Variants in DCAF8 observed in about 807,000 individuals in gnomAD.
DCAF8 encodes DDB1- and CUL4-associated factor 8.
In DCAF8, 20 loss-of-function variants were observed where a neutral mutation model predicts 68.0. The observed-to-expected ratio is 0.29, with a 90% CI of 0.21 to 0.43. DCAF8 has a LOEUF of 0.43. Among genes scored for constraint, DCAF8 ranks in the 20% least tolerant of loss-of-function variants. The probability of loss-of-function intolerance (pLI) is 1.00; values close to 1 mark genes in which losing one functional copy is unlikely to be tolerated. For missense variants in DCAF8, 460 were observed against 771.0 expected, an observed-to-expected ratio of 0.60 and a Z score of 4.78; for synonymous variants, 230 against 276.9, an observed-to-expected ratio of 0.83 and a Z score of 1.68.
chr1:160,260,897 G>T (rs1285489712), intron 2 of DCAF8, among the ~76,000 whole-genome samples: 1 of 152,080 alleles, frequency 6.6e-6, no homozygotes, highest in African/African-American at 2.4e-5. Context: ...TGTGAGAGGG[G>T]AAGAGACCTG....
In DCAF8 at chr1:160,222,844, C is replaced by T. The variant is rs1269736383; in HGVS notation, c.1310-63G>A. The stretch of plus-strand genomic sequence containing the variant: ...TGGCATCAGGCCTATATACATTCAT[C>T]TCAAAGGGAATTTAGTTATTCACAA... On this transcript the variant is annotated intron_variant, in intron 10 of 13. Coordinates refer to ENST00000368074, the MANE Select transcript of DCAF8 (RefSeq NM_015726.4). 3.8e-6 allele frequency: 6 copies of T among 1,599,124 alleles called. No individual in the cohort carries two copies. The Admixed American group carries it at 6.8e-5, about 18-fold the overall frequency.
intron 6 of DCAF8, among the ~76,000 whole-genome samples, chr1:160,236,765 A>G (rs1226082157): frequency 2.0e-5 from 3 of 152,224 alleles, no homozygotes; most frequent in Admixed American, 6.5e-5. Flanking sequence ...GTATGTTTCT[A>G]TAAATAACTA....
intron 11 of DCAF8, chr1:160,219,720 G>A (rs944853061): frequency 1.3e-5 from 2 of 152,226 alleles, no homozygotes. Context: ...CCAGCAGGCA[G>A]GCCTTCTAGC....
At chr1:160,261,785 C>T (rs1657102145) in intron 1 of DCAF8, 1 of 152,392 alleles carries the variant, frequency 6.6e-6, no homozygotes, top group South Asian at 2.1e-4. Context: ...TAACAGGGAC[C>T]AAATGGGACC....
chr1:160,236,263 A>ACAAAC (rs60453098), intron 6 of DCAF8, among the ~76,000 whole-genome samples: 2 of 144,582 alleles, frequency 1.4e-5, no homozygotes, highest in South Asian at 4.3e-4. Flanking sequence ...ATCACACACA[A>ACAAAC]ACACACACAC....
intron 3 of DCAF8, among the ~76,000 whole-genome samples, chr1:160,242,791 T>C (rs1216449109): frequency 1.3e-5 from 2 of 152,160 alleles, no homozygotes. Flanking sequence ...CCAATAAAAC[T>C]TTACAAAAAC....
At chr1:160,225,497 A>C in intron 8 of DCAF8, 94 bp downstream of exon 8, 1 of 973,020 alleles carries the variant, frequency 1.0e-6, no homozygotes, top group East Asian at 2.4e-5. Flanking sequence ...CTGACTTGAA[A>C]GTCCAAGCTC....
At position 160,217,609 on chromosome 1, in the gene DCAF8, G is replaced by A; in HGVS notation, c.1777C>T (p.Gln593Ter). 6.2e-7 allele frequency: 1 copy of A among 1,613,610 alleles called. No individual in the cohort carries two copies. The highest frequency in any genetic ancestry group is 8.5e-7 in the Non-Finnish European group (1 of 1,179,798). The part of the protein sequence containing the change: ...SDEEEGPDRV[Q>*]CMPS ...ATGAGGCCTCAAGATGGCATGCACTGCACCCGGTCAGGGCCCTCCTCCTCG... is the reference window on the plus strand; with the variant it reads ...ATGAGGCCTCAAGATGGCATGCACTACACCCGGTCAGGGCCCTCCTCCTCG... Residue 593 changes from glutamine (Q) to a stop codon, truncating the protein, a stop_gained, in exon 14 of 14, where the codon CAG becomes TAG. Coordinates refer to ENST00000368074, the MANE Select transcript of DCAF8 (RefSeq NM_015726.4). LOFTEE classifies it high-confidence loss of function.
chr1:160,246,155 A>G (rs60271354), intron 2 of DCAF8, among the ~76,000 whole-genome samples: 2 of 151,962 alleles, frequency 1.3e-5, no homozygotes, highest in South Asian at 2.1e-4. Context: ...AAAAAAAATT[A>G]AAAAAAACTT....
Position 160,240,064 on chromosome 1 carries a change from T to C in DCAF8, c.356A>G (p.Gln119Arg). Reference sequence around the variant, plus strand: ...CTGGTCACGGTTAGCCCGCTTGCGCTGTACACGGCGCCGAGGCTGCTCTTC... The same window carrying C: ...CTGGTCACGGTTAGCCCGCTTGCGCCGTACACGGCGCCGAGGCTGCTCTTC... ...EEEEQPRRRV[Q>R]RKRANRDQDS... Residue 119 changes from glutamine (Q) to arginine (R), a missense_variant, in exon 4 of 14, where the codon CAG becomes CGG. By Grantham distance (43) the Gln-to-Arg change is conservative. Around this residue, in one of 8 missense-constraint regions of DCAF8, gnomAD observed 156 missense variants for 181.4 expected, o/e 0.86. Transcript: ENST00000368074. The C allele has an allele frequency of 6.2e-7, 1 of 1,614,268 alleles. No homozygotes were observed. Among genetic ancestry groups the C allele is most frequent in the Non-Finnish European group, 8.5e-7 (1 of 1,180,038 alleles).
At chr1:160,240,990 C>G (rs1656094342) in intron 3 of DCAF8, among the ~76,000 whole-genome samples, 1 of 152,080 alleles carries the variant, frequency 6.6e-6, no homozygotes, top group African/African-American at 2.4e-5. Context: ...TGGTGAAACC[C>G]CGTCTCTACT....
Position 160,228,466 on chromosome 1 carries a change from T to C in DCAF8, c.1071-2803A>G, listed in dbSNP as rs139627011. On this transcript the variant is annotated intron_variant, in intron 7 of 13. Transcript: ENST00000368074. ...TTAATCCTTTAGCAATAAATTTTCATGTCAGCCAAATTTACCACTAAAGGA... is the reference window on the plus strand; with the variant it reads ...TTAATCCTTTAGCAATAAATTTTCACGTCAGCCAAATTTACCACTAAAGGA... Among the ~76,000 whole-genome samples, 161 of 152,328 alleles carry C rather than the reference T, an allele frequency of 1.1e-3. 1 individual carries two copies. The highest frequency in any genetic ancestry group is 3.6e-3 in the African/African-American group (150 of 41,580).
chr1:160,249,149 C>T (rs566766523), intron 2 of DCAF8, among the ~76,000 whole-genome samples: 11 of 152,154 alleles, frequency 7.2e-5, no homozygotes, highest in Middle Eastern at 3.4e-3. Flanking sequence ...TGAGATCGCA[C>T]CACTGCACTC....
intron 11 of DCAF8, among the ~76,000 whole-genome samples, chr1:160,221,817 C>CAAAAAAAAAAAAAAAAA (rs58539770): frequency 1.6e-5 from 1 of 62,172 alleles, no homozygotes; most frequent in Non-Finnish European, 3.4e-5. Context: ...TTCTAGGTCT[C>CAAAAAAAAAAAAAAAAA]AAAAAAAAAA....
intron 2 of DCAF8, among the ~76,000 whole-genome samples, chr1:160,259,495 A>G (rs1257688251): frequency 6.6e-6 from 1 of 151,948 alleles, no homozygotes. Context: ...ATCGCGCCAC[A>G]GCACCCCAGC....
At chr1:160,224,371 C>G (rs74125514) in intron 10 of DCAF8, 71 bp downstream of exon 10, 8 of 1,154,428 alleles carry the variant, frequency 6.9e-6, no homozygotes, top group Non-Finnish European at 9.1e-6. Flanking sequence ...ATTTGTATAA[C>G]CTGAGTAAGA....
intron 3 of DCAF8, 145 bp downstream of exon 3, chr1:160,243,815 T>C: frequency 1.4e-6 from 1 of 734,610 alleles, no homozygotes; most frequent in South Asian, 1.7e-5. Context: ...GTCCAAGGTG[T>C]TTCCTGTGTA....
chr1:160,223,734 C>CA (rs1469811129), intron 10 of DCAF8, among the ~76,000 whole-genome samples: 2 of 152,064 alleles, frequency 1.3e-5, no homozygotes, highest in African/African-American at 4.8e-5. Context: ...CCCATCTCCA[C>CA]AAAAAATACA....
intron 2 of DCAF8, among the ~76,000 whole-genome samples, chr1:160,254,263 A>G (rs570359442): frequency 3.3e-5 from 5 of 152,282 alleles, no homozygotes; most frequent in African/African-American, 9.6e-5. Context: ...CAGAGGTTGC[A>G]ATGAGCCAAG....
Sources: gnomAD v4.1 joint callset for allele counts (sites outside exome capture counted in the v4.1 genomes callset) on GRCh38, gnomAD v4.1.1 for gene constraint, gnomAD v4.1.1 regional missense constraint, MANE v1.5 for transcripts, NCBI Gene and HGNC (gene_info 2026-07-23, HGNC 2026-07-21) for gene names.